Variants in SNTG1 observed in about 807,000 individuals in gnomAD.
SNTG1 encodes gamma-1-syntrophin.
A neutral mutation model predicts 74.7 loss-of-function variants in SNTG1; 39 were observed. The ratio of observed to expected loss-of-function variants is 0.52; its 90% CI spans 0.40 to 0.68. The LOEUF is 0.68. Ranked by LOEUF, SNTG1 falls within the 30% of genes least tolerant of loss-of-function variation. The pLI is 0.00. For missense variants in SNTG1, 685 were observed against 609.5 expected, an observed-to-expected ratio of 1.12 and a Z score of -1.30; for synonymous variants, 254 against 217.1, an observed-to-expected ratio of 1.17 and a Z score of -1.49.
intron 13 of SNTG1, among the ~76,000 whole-genome samples, chr8:50,629,302 TA>T (rs1443409237): frequency 5.3e-5 from 8 of 152,290 alleles, no homozygotes; most frequent in South Asian, 4.1e-4. Flanking sequence ...TTCTGTTGAA[TA>T]TTTTTTTGTT....
Position 50,628,004 on chromosome 8 carries a change from C to A in SNTG1, c.850-28905C>A, listed in dbSNP as rs187956802. The stretch of plus-strand genomic sequence containing the variant: ...TTAAAGCATGGGCTGAAAGTCCTAA[C>A]CTTCTAATCAAGCCTTGTTCTTTCT... On this transcript the variant is annotated intron_variant, in intron 13 of 18. Transcript: ENST00000642720. Among the ~76,000 whole-genome samples, 391 of 152,312 alleles carry A rather than the reference C, an allele frequency of 2.6e-3. 6 individuals are homozygous for A. Among genetic ancestry groups the A allele is most frequent in the African/African-American group, 6.7e-3 (280 of 41,572 alleles).
chr8:50,661,731 G>A (rs996489899), intron 15 of SNTG1, among the ~76,000 whole-genome samples: 2 of 152,100 alleles, frequency 1.3e-5, no homozygotes, highest in Admixed American at 1.3e-4. Flanking sequence ...GCCCTGGTGT[G>A]TGATGTTCTA....
chr8:50,770,779 A>T (rs1156384345), intron 18 of SNTG1, among the ~76,000 whole-genome samples: 2 of 152,028 alleles, frequency 1.3e-5, no homozygotes, highest in Non-Finnish European at 2.9e-5. Context: ...GGAGGAAAAA[A>T]TGGATTAATT....
At chr8:50,310,381 G>A (rs1014497530) in intron 2 of SNTG1, among the ~76,000 whole-genome samples, 1 of 151,998 alleles carries the variant, frequency 6.6e-6, no homozygotes, top group Non-Finnish European at 1.5e-5. Context: ...TTAAACAGTC[G>A]CAATTTTATT....
chr8:50,131,079 CAG>C (rs2081302069), intron 1 of SNTG1, among the ~76,000 whole-genome samples: 1 of 148,672 alleles, frequency 6.7e-6, no homozygotes, highest in Admixed American at 6.7e-5. Context: ...ATGAAAAACA[CAG>C]AGAAAAAGCA....
At chr8:50,013,534 CAT>C (rs200266318) in intron 1 of SNTG1, among the ~76,000 whole-genome samples, 1 of 150,924 alleles carries the variant, frequency 6.6e-6, no homozygotes, top group Non-Finnish European at 1.5e-5. Flanking sequence ...CACATATATA[CAT>C]ATATATATAC....
intron 2 of SNTG1, among the ~76,000 whole-genome samples, chr8:50,173,253 T>A (rs2082874644): frequency 1.3e-5 from 2 of 152,168 alleles, no homozygotes; most frequent in Non-Finnish European, 2.9e-5. Context: ...GTAGAATAAG[T>A]GTTACTTTAG....
chr8:50,506,565 T>C (rs1207350407), intron 9 of SNTG1, among the ~76,000 whole-genome samples: 1 of 151,992 alleles, frequency 6.6e-6, no homozygotes, highest in Non-Finnish European at 1.5e-5. Context: ...AAATTTTGGG[T>C]GAGATTATTC....
At chr8:50,699,140 C>T (rs1466930988) in intron 15 of SNTG1, among the ~76,000 whole-genome samples, 1 of 151,824 alleles carries the variant, frequency 6.6e-6, no homozygotes, top group Non-Finnish European at 1.5e-5. Context: ...GAGATCTGTA[C>T]CCTGTGCTTT....
At position 50,590,871 on chromosome 8, in the gene SNTG1, C is replaced by A. The variant is rs1253213850; in HGVS notation, c.811-8C>A. The A allele has an allele frequency of 2.6e-6, 4 of 1,535,214 alleles. No individual in the cohort carries two copies. Among genetic ancestry groups the A allele is most frequent in the Non-Finnish European group, 3.6e-6 (4 of 1,126,636 alleles). On this transcript the variant is annotated splice_polypyrimidine_tract_variant and splice_region_variant and intron_variant, in intron 12 of 18. Transcript: ENST00000642720. ...CTTCTCACTTTTATTATTTATTTATCATTGCAGATTAAAAAAATCAACAGA... is the reference window on the plus strand; with the variant it reads ...CTTCTCACTTTTATTATTTATTTATAATTGCAGATTAAAAAAATCAACAGA...
chr8:50,600,670 GTTC>G (rs996390898), intron 13 of SNTG1, among the ~76,000 whole-genome samples: 26 of 151,544 alleles, frequency 1.7e-4, no homozygotes, highest in African/African-American at 5.8e-4. Flanking sequence ...TATTTATTTG[GTTC>G]TTCTTTCTTT....
At chr8:50,442,194 T>G (rs1338689851) in intron 5 of SNTG1, among the ~76,000 whole-genome samples, 2 of 152,216 alleles carry the variant, frequency 1.3e-5, no homozygotes, top group Admixed American at 6.5e-5. Context: ...GGGGAGAATG[T>G]CCCTTCCTGG....
chr8:50,418,784 G>A lies in SNTG1; in HGVS notation c.162+16440G>A, dbSNP rs186604253. On this transcript the variant is annotated intron_variant, in intron 4 of 18. Coordinates refer to ENST00000642720, the MANE Select transcript of SNTG1 (RefSeq NM_018967.5). ...TCACAACGTTTCCTATCCCAATAGAGTAAATGGATATGTCATCTTTCCAGC... is the reference window on the plus strand; with the variant it reads ...TCACAACGTTTCCTATCCCAATAGAATAAATGGATATGTCATCTTTCCAGC... Among the ~76,000 whole-genome samples the A allele has an allele frequency of 5.9e-5, 9 of 152,206 alleles. No individual in the cohort carries two copies. In the East Asian group the frequency reaches 1.5e-3, roughly 26 times the overall value.
chr8:50,060,291 G>T (rs935276883), intron 1 of SNTG1, among the ~76,000 whole-genome samples: 11 of 151,936 alleles, frequency 7.2e-5, no homozygotes, highest in African/African-American at 2.7e-4. Context: ...TATCAGATTT[G>T]CATTTTTTTC....
intron 9 of SNTG1, among the ~76,000 whole-genome samples, chr8:50,526,629 A>AC (rs2094221913): frequency 3.9e-5 from 5 of 127,206 alleles, no homozygotes; most frequent in African/African-American, 1.5e-4. Flanking sequence ...GTGTATACAC[A>AC]AACACATATA....
chr8:50,134,001 C>T (rs2081393929), intron 1 of SNTG1, among the ~76,000 whole-genome samples: 1 of 152,174 alleles, frequency 6.6e-6, no homozygotes, highest in Admixed American at 6.5e-5. Context: ...CCTTAGGAGG[C>T]TGTGCTTAAA....
chr8:50,782,747 A>T (rs2095663427), intron 18 of SNTG1, among the ~76,000 whole-genome samples: 1 of 152,238 alleles, frequency 6.6e-6, no homozygotes, highest in African/African-American at 2.4e-5. Context: ...GTTGCTGGTG[A>T]GGAGCTGCGT....
At chr8:50,764,762 C>A (rs1261769904) in intron 18 of SNTG1, among the ~76,000 whole-genome samples, 1 of 151,626 alleles carries the variant, frequency 6.6e-6, no homozygotes, top group Non-Finnish European at 1.5e-5. Flanking sequence ...GTAGAGCCAG[C>A]AATCCCATTT....
At chr8:50,569,577 A>G (rs931670300) in intron 12 of SNTG1, among the ~76,000 whole-genome samples, 2 of 152,154 alleles carry the variant, frequency 1.3e-5, no homozygotes, top group Non-Finnish European at 2.9e-5. Flanking sequence ...TCTGTCTGCC[A>G]CATTGAAAAG....
Sources: allele counts gnomAD v4.1 joint callset (sites outside exome capture counted in the v4.1 genomes callset), GRCh38; gene constraint gnomAD v4.1.1; transcripts MANE v1.5; gene names NCBI Gene and HGNC (gene_info 2026-07-23, HGNC 2026-07-21).